Variants in RSRC1 observed in about 807,000 individuals in gnomAD.
RSRC1 encodes the protein serine/Arginine-related protein 53.
A neutral mutation model predicts 49.1 loss-of-function variants in RSRC1; 39 were observed. The ratio of observed to expected loss-of-function variants is 0.79; its 90% CI spans 0.61 to 1.04. The LOEUF is 1.04. RSRC1 is among the 50% of genes least tolerant of loss of function. RSRC1 has a pLI of 0.00. For missense variants in RSRC1, 388 were observed against 402.4 expected (o/e 0.96, Z 0.31); for synonymous variants, 143 against 130.8 (o/e 1.09, Z -0.63).
intron 5 of RSRC1, among the ~76,000 whole-genome samples, chr3:158,344,185 G>A (rs1426200150): frequency 6.6e-6 from 1 of 152,154 alleles, no homozygotes; most frequent in African/African-American, 2.4e-5. Flanking sequence ...CTTGAACCCA[G>A]GAGGCTGAGG....
intron 6 of RSRC1, among the ~76,000 whole-genome samples, chr3:158,360,467 CCTT>C (rs1731403700): frequency 6.6e-6 from 1 of 152,306 alleles, no homozygotes; most frequent in South Asian, 2.1e-4. Context: ...GCCCAGGAGA[CCTT>C]CTGCCTCCTG....
intron 5 of RSRC1, among the ~76,000 whole-genome samples, chr3:158,348,707 G>A (rs1386032007): frequency 1.3e-5 from 2 of 152,100 alleles, no homozygotes; most frequent in East Asian, 3.9e-4. Flanking sequence ...GTACTCAGTA[G>A]GTAACTTTTC....
chr3:158,250,473 A>G (rs952481749), intron 4 of RSRC1, among the ~76,000 whole-genome samples: 1 of 152,160 alleles, frequency 6.6e-6, no homozygotes, highest in Non-Finnish European at 1.5e-5. Flanking sequence ...ACTCACCAGC[A>G]TTTGTTATTG....
chr3:158,426,699 G>A (rs772147405), intron 6 of RSRC1, among the ~76,000 whole-genome samples: 15 of 151,680 alleles, frequency 9.9e-5, no homozygotes, highest in South Asian at 2.1e-4. Context: ...GATAGAAGTC[G>A]TGGAAAAGCA....
chr3:158,284,290 C>A (rs1015802477), intron 4 of RSRC1, among the ~76,000 whole-genome samples: 2 of 151,732 alleles, frequency 1.3e-5, no homozygotes, highest in African/African-American at 4.9e-5. Context: ...TCCAGTCTAT[C>A]ATTGTTGGAC....
rs180784259 is a variant in RSRC1, at chr3:158,140,396, T to C, written c.320+16405T>C. On this transcript the variant is annotated intron_variant, in intron 3 of 9. Transcript: ENST00000611884. ...AATAGACTTAGGTAGTATTTTGTTTTCTGTTTCCGATATGCACTCTGCTAA... is the reference window on the plus strand; with the variant it reads ...AATAGACTTAGGTAGTATTTTGTTTCCTGTTTCCGATATGCACTCTGCTAA... 5.9e-3 allele frequency among the ~76,000 whole-genome samples: 903 copies of C among 152,356 alleles called. 10 individuals are homozygous for C. Among genetic ancestry groups the C allele is most frequent in the Non-Finnish European group, 5.6e-3 (379 of 68,028 alleles).
intron 7 of RSRC1, among the ~76,000 whole-genome samples, chr3:158,462,316 A>T (rs1737658105): frequency 6.6e-6 from 1 of 151,900 alleles, no homozygotes; most frequent in Non-Finnish European, 1.5e-5. Context: ...CTAAATGCAA[A>T]TGTGTCTAAG....
At chr3:158,498,552 A>G (rs1271627732) in intron 7 of RSRC1, among the ~76,000 whole-genome samples, 1 of 151,922 alleles carries the variant, frequency 6.6e-6, no homozygotes, top group Non-Finnish European at 1.5e-5. Flanking sequence ...TCCTTTTGCC[A>G]TGGAAAAGCT....
At chr3:158,526,234 A>G (rs1427908728) in intron 7 of RSRC1, among the ~76,000 whole-genome samples, 3 of 152,082 alleles carry the variant, frequency 2.0e-5, no homozygotes, top group African/African-American at 7.2e-5. Flanking sequence ...TTGTACATAA[A>G]ATTGATAAAA....
At chr3:158,396,036 A>G (rs1279535237) in intron 6 of RSRC1, among the ~76,000 whole-genome samples, 7 of 152,132 alleles carry the variant, frequency 4.6e-5, no homozygotes. Flanking sequence ...CCTTTAGAGC[A>G]ACACAGTTGG....
chr3:158,307,813 T>C (rs1475291230), intron 5 of RSRC1, among the ~76,000 whole-genome samples: 1 of 151,734 alleles, frequency 6.6e-6, no homozygotes, highest in Non-Finnish European at 1.5e-5. Flanking sequence ...TTTATGTATA[T>C]GAAACTAATA....
chr3:158,389,990 G>A (rs770986012), intron 6 of RSRC1, among the ~76,000 whole-genome samples: 11 of 152,076 alleles, frequency 7.2e-5, no homozygotes, highest in African/African-American at 9.7e-5. Flanking sequence ...AAAATATCTT[G>A]ATCTCATTTG....
chr3:158,460,835 C>T (rs1210050397), intron 6 of RSRC1, 100 bp from the exon 7 acceptor site: 5 of 598,942 alleles, frequency 8.3e-6, no homozygotes, highest in Non-Finnish European at 1.4e-5. Context: ...GTGATTACTT[C>T]GTGGAAAATA....
intron 3 of RSRC1, among the ~76,000 whole-genome samples, chr3:158,150,570 T>C (rs895510846): frequency 2.0e-5 from 3 of 152,200 alleles, no homozygotes; most frequent in African/African-American, 7.2e-5. Context: ...ATTGAGCTTA[T>C]ATTAATATTA....
chr3:158,529,957 G>A (rs1015466346), intron 7 of RSRC1, among the ~76,000 whole-genome samples: 1 of 151,788 alleles, frequency 6.6e-6, no homozygotes, highest in African/African-American at 2.4e-5. Context: ...TTGGTGGGTG[G>A]TAAAATTCAG....
chr3:158,125,838 T>C (rs1036706403), intron 3 of RSRC1, among the ~76,000 whole-genome samples: 1 of 152,186 alleles, frequency 6.6e-6, no homozygotes, highest in African/African-American at 2.4e-5. Flanking sequence ...TACTAAATAC[T>C]TCTCCCTTCC....
chr3:158,437,903 G>A (rs886346722), intron 6 of RSRC1, among the ~76,000 whole-genome samples: 9 of 152,180 alleles, frequency 5.9e-5, no homozygotes, highest in Non-Finnish European at 8.8e-5. Context: ...TGACATGACT[G>A]TATATTTAGA....
chr3:158,376,859 A>C (rs77764270), intron 6 of RSRC1, among the ~76,000 whole-genome samples: 1 of 35,274 alleles, frequency 2.8e-5, no homozygotes, highest in East Asian at 4.9e-4. Context: ...ATTCTTTTAC[A>C]TTTTTTTAGA....
chr3:158,240,409 C>A (rs1723503601), intron 4 of RSRC1, among the ~76,000 whole-genome samples: 1 of 151,932 alleles, frequency 6.6e-6, no homozygotes, highest in Non-Finnish European at 1.5e-5. Context: ...AGTTTTTAAA[C>A]CCAGGAATGG....
Sources: gnomAD v4.1 joint callset for allele counts (sites outside exome capture counted in the v4.1 genomes callset) on GRCh38, gnomAD v4.1.1 for gene constraint, MANE v1.5 for transcripts, NCBI Gene and HGNC (gene_info 2026-07-23, HGNC 2026-07-21) for gene names.